Variants in C12orf42 observed in about 807,000 individuals in gnomAD.
C12orf42 encodes the protein chromosome 12 open reading frame 42, also known as uncharacterized protein C12orf42.
C12orf42 carries 25 observed loss-of-function variants against 21.6 expected under a neutral mutation model. That is an observed-to-expected ratio of 1.16 (90% CI 0.84 to 1.62). The LOEUF is 1.62. C12orf42 is among the 40% of genes most tolerant of loss of function. The pLI, the probability that C12orf42 is intolerant of heterozygous loss-of-function variation, is 0.00. For missense variants in C12orf42, 483 were observed against 459.3 expected, an observed-to-expected ratio of 1.05 and a Z score of -0.47; for synonymous variants, 174 against 175.0, an observed-to-expected ratio of 0.99 and a Z score of 0.05.
intron 10 of C12orf42, among the ~76,000 whole-genome samples, chr12:103,257,136 G>T (rs781295132): frequency 2.6e-5 from 4 of 152,146 alleles, no homozygotes; most frequent in Non-Finnish European, 5.9e-5. Flanking sequence ...TCACTTAAAA[G>T]TGGAAACTAC....
chr12:103,056,319 G>T, the C12orf42 span, among the ~76,000 whole-genome samples: 4 of 152,140 alleles, frequency 2.6e-5, no homozygotes, highest in African/African-American at 9.6e-5. Flanking sequence ...GATGAGAAAT[G>T]TGGTACTCAC....
intron 2 of C12orf42, among the ~76,000 whole-genome samples, chr12:103,467,412 T>C (rs1192979694): frequency 6.6e-6 from 1 of 152,144 alleles, no homozygotes; most frequent in Non-Finnish European, 1.5e-5. Flanking sequence ...CTGATGGATA[T>C]AAATTTTTCA....
chr12:103,434,325 A>G (rs993390276), intron 2 of C12orf42, among the ~76,000 whole-genome samples: 1 of 152,160 alleles, frequency 6.6e-6, no homozygotes, highest in African/African-American at 2.4e-5. Context: ...TTGATGACGG[A>G]GCTGCACTCT....
chr12:103,092,706 T>G, the C12orf42 span, among the ~76,000 whole-genome samples: 2 of 152,202 alleles, frequency 1.3e-5, no homozygotes, highest in African/African-American at 4.8e-5. Context: ...CTGAAGAATT[T>G]TCAAGCCATT....
intron 1 of C12orf42, among the ~76,000 whole-genome samples, chr12:103,481,687 TAAG>T (rs1188387564): frequency 6.6e-6 from 1 of 151,768 alleles, no homozygotes; most frequent in Non-Finnish European, 1.5e-5. Context: ...CAACCTTAAC[TAAG>T]AAGTTTAGCC....
chr12:103,339,996 C>A (rs530709968), intron 4 of C12orf42, among the ~76,000 whole-genome samples: 1 of 152,112 alleles, frequency 6.6e-6, no homozygotes, highest in Non-Finnish European at 1.5e-5. Context: ...CACAGTGAAC[C>A]CAGAAAGATG....
intron 3 of C12orf42, among the ~76,000 whole-genome samples, chr12:103,378,075 G>C (rs2045857852): frequency 6.6e-6 from 1 of 152,084 alleles, no homozygotes; most frequent in African/African-American, 2.4e-5. Context: ...CTCAAAGCCA[G>C]GGGGAACTAG....
chr12:103,137,681 C>T, the C12orf42 span, among the ~76,000 whole-genome samples: 2 of 152,144 alleles, frequency 1.3e-5, no homozygotes, highest in African/African-American at 4.8e-5. Flanking sequence ...GAATGGAATA[C>T]TAGTCATCCA....
At chr12:103,106,415 T>G in the C12orf42 span, among the ~76,000 whole-genome samples, 1 of 151,804 alleles carries the variant, frequency 6.6e-6, no homozygotes, top group Admixed American at 6.6e-5. Flanking sequence ...AATAAACATG[T>G]GGGTAAAAAT....
intron 4 of C12orf42, among the ~76,000 whole-genome samples, chr12:103,342,546 T>A (rs1457346203): frequency 6.6e-6 from 1 of 152,016 alleles, no homozygotes; most frequent in Non-Finnish European, 1.5e-5. Context: ...ATGGAAGAAG[T>A]TTAAGCAAAG....
the C12orf42 span, among the ~76,000 whole-genome samples, chr12:103,086,462 G>C: frequency 6.6e-6 from 1 of 150,648 alleles, no homozygotes; most frequent in African/African-American, 2.4e-5. Context: ...CAGAATCTGA[G>C]TACTTAACTC....
the C12orf42 span, among the ~76,000 whole-genome samples, chr12:103,204,015 T>C: frequency 1.3e-5 from 2 of 152,172 alleles, no homozygotes; most frequent in Non-Finnish European, 2.9e-5. Context: ...AATCATTTCT[T>C]CAGCTGGCAA....
the C12orf42 span, among the ~76,000 whole-genome samples, chr12:103,051,741 C>T: frequency 6.6e-6 from 1 of 152,144 alleles, no homozygotes; most frequent in African/African-American, 2.4e-5. Flanking sequence ...CCTCTGAGAC[C>T]TTGCTCCATC....
At chr12:103,425,097 CA>C (rs1258777525) in intron 2 of C12orf42, among the ~76,000 whole-genome samples, 1 of 152,214 alleles carries the variant, frequency 6.6e-6, no homozygotes, top group Non-Finnish European at 1.5e-5. Flanking sequence ...GAGTCCACCA[CA>C]GCTCGGCAAA....
the C12orf42 span, among the ~76,000 whole-genome samples, chr12:103,082,711 T>C: frequency 6.6e-6 from 1 of 152,246 alleles, no homozygotes; most frequent in African/African-American, 2.4e-5. Context: ...AAAAGACTAG[T>C]TATTACCTTC....
chr12:103,192,040 AAAGT>A, the C12orf42 span, among the ~76,000 whole-genome samples: 1 of 152,176 alleles, frequency 6.6e-6, no homozygotes, highest in South Asian at 2.1e-4. Flanking sequence ...ATCAAATGAT[AAAGT>A]AAGACAGCAG....
chr12:103,368,408 G>T lies in C12orf42; in HGVS notation c.259+479C>A, dbSNP rs114582941. Among the ~76,000 whole-genome samples the T allele has an allele frequency of 3.3e-3, 502 of 151,792 alleles. 3 individuals carry two copies. Among genetic ancestry groups the T allele is most frequent in the African/African-American group, 0.011 (476 of 41,410 alleles). On this transcript the variant is annotated intron_variant, in intron 4 of 5. Transcript: ENST00000548883. The stretch of plus-strand genomic sequence containing the variant: ...GCCTACCTCCCCTGCCACACAAGTA[G>T]CAAATGTTGACTGGTGTATTCCATT...
the C12orf42 span, among the ~76,000 whole-genome samples, chr12:103,107,295 T>G: frequency 1.3e-5 from 2 of 152,020 alleles, no homozygotes; most frequent in African/African-American, 2.4e-5. Flanking sequence ...CATTGGAAAC[T>G]TACAGCCCCA....
intron 4 of C12orf42, among the ~76,000 whole-genome samples, chr12:103,283,431 C>T (rs2036253022): frequency 6.6e-6 from 1 of 152,190 alleles, no homozygotes; most frequent in Non-Finnish European, 1.5e-5. Context: ...CTTTTAGTGA[C>T]TCTCCATTGC....
Sources: gnomAD v4.1 joint callset for allele counts (sites outside exome capture counted in the v4.1 genomes callset) on GRCh38, gnomAD v4.1.1 for gene constraint, MANE v1.5 for transcripts, NCBI Gene and HGNC (gene_info 2026-07-23, HGNC 2026-07-21) for gene names.